Variants in CFAP221 observed in about 807,000 individuals in gnomAD.
The protein encoded by CFAP221 is cilia- and flagella-associated protein 221.
In CFAP221, 97 loss-of-function variants were observed where a neutral mutation model predicts 113.1. The ratio of observed to expected loss-of-function variants is 0.86; its 90% CI spans 0.73 to 1.02. CFAP221 has a LOEUF of 1.02. Ranked by LOEUF, CFAP221 falls within the 50% of genes least tolerant of loss-of-function variation. The pLI, the probability that CFAP221 is intolerant of heterozygous loss-of-function variation, is 0.00. For missense variants in CFAP221, 1,025 were observed against 1,013.4 expected (o/e 1.01, Z -0.16); for synonymous variants, 331 against 354.4 (o/e 0.93, Z 0.74).
intron 7 of CFAP221, among the ~76,000 whole-genome samples, chr2:119,599,739 G>A (rs1684237213): frequency 6.6e-6 from 1 of 152,152 alleles, no homozygotes; most frequent in Non-Finnish European, 1.5e-5. Context: ...TGGTATTCAT[G>A]TCTTGACTTT....
At chr2:119,614,644 C>T (rs7569415) in intron 13 of CFAP221, among the ~76,000 whole-genome samples, 21 of 152,146 alleles carry the variant, frequency 1.4e-4, no homozygotes, top group Non-Finnish European at 3.1e-4. Context: ...ACTGCCCTCA[C>T]GATTCAATTA....
chr2:119,566,202 G>A (rs1474803611), intron 6 of CFAP221, among the ~76,000 whole-genome samples: 2 of 152,164 alleles, frequency 1.3e-5, no homozygotes, highest in Non-Finnish European at 2.9e-5. Context: ...CAAAAGGAGG[G>A]TGTGGAGTAG....
chr2:119,555,076 G>C (rs1680690617), intron 3 of CFAP221, among the ~76,000 whole-genome samples: 1 of 152,208 alleles, frequency 6.6e-6, no homozygotes, highest in East Asian at 1.9e-4. Flanking sequence ...GGGGTGAAGA[G>C]AGCTGTGAGC....
intron 6 of CFAP221, among the ~76,000 whole-genome samples, chr2:119,577,494 C>T (rs1312217531): frequency 6.6e-6 from 1 of 152,100 alleles, no homozygotes; most frequent in Non-Finnish European, 1.5e-5. Context: ...AACGCAATGC[C>T]AGGAGCTTTT....
At chr2:119,599,652 C>T (rs755244328) in intron 7 of CFAP221, among the ~76,000 whole-genome samples, 1 of 152,188 alleles carries the variant, frequency 6.6e-6, no homozygotes, top group East Asian at 1.9e-4. Flanking sequence ...AAGGCCCTTT[C>T]GTTCTCATAC....
At chr2:119,653,862 T>C (rs1332964896) in intron 23 of CFAP221, among the ~76,000 whole-genome samples, 2 of 152,206 alleles carry the variant, frequency 1.3e-5, no homozygotes, top group Non-Finnish European at 2.9e-5. Flanking sequence ...AAAGACCATC[T>C]CATTATTTTA....
intron 6 of CFAP221, among the ~76,000 whole-genome samples, chr2:119,585,022 G>T (rs979435676): frequency 6.6e-6 from 1 of 152,172 alleles, no homozygotes; most frequent in African/African-American, 2.4e-5. Flanking sequence ...GTGAAAAAAT[G>T]CAAACAACCT....
At chr2:119,655,684 C>T (rs542788067) in intron 23 of CFAP221, among the ~76,000 whole-genome samples, 11 of 152,298 alleles carry the variant, frequency 7.2e-5, no homozygotes, top group Non-Finnish European at 1.2e-4. Context: ...GTCTCTGAGC[C>T]GAGTCTCCAT....
In CFAP221 at chr2:119,649,957, T is replaced by C. The variant is rs140939797; in HGVS notation, c.2319-2017T>C. On this transcript the variant is annotated intron_variant, in intron 22 of 23. Coordinates refer to ENST00000413369, the MANE Select transcript of CFAP221 (RefSeq NM_001271049.2). ...TCTTAACACATAAAAACTTTTGCATTCTAAATTACACCATCAGCTGTGATA... is the reference window on the plus strand; with the variant it reads ...TCTTAACACATAAAAACTTTTGCATCCTAAATTACACCATCAGCTGTGATA... Among the ~76,000 whole-genome samples, 525 of 152,282 alleles carry C rather than the reference T, an allele frequency of 3.4e-3. 6 individuals are homozygous for C. The highest frequency in any genetic ancestry group is 0.018 in the East Asian group (94 of 5,172).
chr2:119,575,712 T>C (rs1239854351), intron 6 of CFAP221, among the ~76,000 whole-genome samples: 1 of 152,232 alleles, frequency 6.6e-6, no homozygotes, highest in Non-Finnish European at 1.5e-5. Context: ...TGCCACTGAA[T>C]GGTACACTTA....
chr2:119,601,582 G>A, intron 8 of CFAP221: 1 of 476,504 alleles, frequency 2.1e-6, no homozygotes, highest in East Asian at 3.4e-5. Context: ...TGACAAGAAG[G>A]GAAGAAACAA....
chr2:119,588,343 T>C (rs1339671005), intron 7 of CFAP221, among the ~76,000 whole-genome samples: 1 of 152,112 alleles, frequency 6.6e-6, no homozygotes, highest in African/African-American at 2.4e-5. Flanking sequence ...ATTCGTAGTG[T>C]TGGAATGAAC....
intron 16 of CFAP221, 27 bp from the exon 17 acceptor site, chr2:119,629,848 C>T (rs765655227): frequency 1.9e-6 from 3 of 1,554,300 alleles, no homozygotes; most frequent in South Asian, 2.3e-5. Context: ...GGTGATTGTT[C>T]TCTTTTTTTC....
At chr2:119,559,563 A>G in intron 3 of CFAP221, 126 bp from the exon 4 acceptor site, 1 of 746,986 alleles carries the variant, frequency 1.3e-6, no homozygotes, top group Non-Finnish European at 2.2e-6. Context: ...TATTTCAAAT[A>G]TTTTGAAAAG....
chr2:119,619,905 T>C (rs548292345), intron 14 of CFAP221, among the ~76,000 whole-genome samples: 2 of 152,072 alleles, frequency 1.3e-5, no homozygotes, highest in Non-Finnish European at 2.9e-5. Flanking sequence ...AATAACCTGA[T>C]AGAGCTGAAA....
At position 119,625,680 on chromosome 2, in the gene CFAP221, T is replaced by A. The variant is rs1449813787; in HGVS notation, c.1508T>A (p.Ile503Lys). 5 of 1,605,056 alleles carry A rather than the reference T, an allele frequency of 3.1e-6. No homozygotes were observed. Among genetic ancestry groups the A allele is most frequent in the Non-Finnish European group, 4.3e-6 (5 of 1,171,822 alleles). ...LRKIGQAKQS[I>K]AQEANFFKFF... ...AAGATTGGCCAAGCAAAACAATCGA[T>A]AGCACAAGGTGAAGTATGGCTGCAA... Residue 503 changes from isoleucine (I) to lysine (K), a missense_variant, in exon 15 of 24, where the codon ATA (isoleucine) becomes AAA (lysine). By Grantham distance (102) the Ile-to-Lys change is moderately radical. Transcript: ENST00000413369.
At chr2:119,549,685 G>A (rs866596787) in intron 3 of CFAP221, among the ~76,000 whole-genome samples, 1 of 152,138 alleles carries the variant, frequency 6.6e-6, no homozygotes. Flanking sequence ...TTCCTATGAA[G>A]CTCCAGCCAG....
rs118133204 is a variant in CFAP221 at position 119,641,930 on chromosome 2, C to T, written c.2225+2058C>T. 1.6e-4 allele frequency among the ~76,000 whole-genome samples: 24 copies of T among 152,312 alleles called. No homozygotes were observed. The East Asian group carries it at 4.4e-3, about 28-fold the overall frequency. ...CCCGCTGACCATGTCCACCCGTTGTCAGCGTGTACCGTTCTTGAGAATCAA... is the reference window on the plus strand; with the variant it reads ...CCCGCTGACCATGTCCACCCGTTGTTAGCGTGTACCGTTCTTGAGAATCAA... On this transcript the variant is annotated intron_variant, in intron 21 of 23. Coordinates refer to ENST00000413369, the MANE Select transcript of CFAP221 (RefSeq NM_001271049.2).
downstream of CFAP221, among the ~76,000 whole-genome samples, chr2:119,658,815 T>C (rs1688532115): frequency 6.6e-6 from 1 of 151,872 alleles, no homozygotes; most frequent in Non-Finnish European, 1.5e-5. Flanking sequence ...ACCTCATCTC[T>C]ACTAAAAATA....
Sources: allele counts gnomAD v4.1 joint callset (sites outside exome capture counted in the v4.1 genomes callset), GRCh38; gene constraint gnomAD v4.1.1; transcripts MANE v1.5; gene names NCBI Gene and HGNC (gene_info 2026-07-23, HGNC 2026-07-21).